WWOX: variants seen among roughly 807,000 people sequenced by gnomAD.
WWOX encodes WW domain containing oxidoreductase, also known as WW domain-containing oxidoreductase.
Under a neutral mutation model 46.2 loss-of-function variants are expected in WWOX, and 69 were observed. That is an observed-to-expected ratio of 1.49 (90% CI 1.23 to 1.82). The LOEUF is 1.82. Among genes scored for constraint, WWOX ranks in the 40% most tolerant of loss-of-function variants. WWOX has a pLI of 0.00. For synonymous variants in WWOX, 359 were observed against 202.6 expected (o/e 1.77, Z -6.56); for missense variants, 919 against 542.6 (o/e 1.69, Z -6.89).
chr16:78,648,391 T>C (rs1043678075), intron 8 of WWOX, among the ~76,000 whole-genome samples: 1 of 152,168 alleles, frequency 6.6e-6, no homozygotes, highest in East Asian at 1.9e-4. Flanking sequence ...GGAAGAGTTT[T>C]TGTCAAGATC....
intron 5 of WWOX, among the ~76,000 whole-genome samples, chr16:78,227,631 C>T (rs142109443): frequency 2.0e-5 from 3 of 152,124 alleles, no homozygotes; most frequent in Non-Finnish European, 4.4e-5. Context: ...AATCCCAGCA[C>T]TTTGGGAGGC....
chr16:78,979,294 C>T (rs1448235820), intron 8 of WWOX, among the ~76,000 whole-genome samples: 1 of 152,144 alleles, frequency 6.6e-6, no homozygotes, highest in African/African-American at 2.4e-5. Flanking sequence ...TGTTTTAGTT[C>T]ATCTCCTTCT....
intron 8 of WWOX, among the ~76,000 whole-genome samples, chr16:78,853,654 A>C (rs2052502353): frequency 6.6e-6 from 1 of 152,124 alleles, no homozygotes; most frequent in Non-Finnish European, 1.5e-5. Flanking sequence ...TGGGTGGAGA[A>C]GAGGGGCGGA....
chr16:79,048,939 G>C (rs541057777), intron 8 of WWOX, among the ~76,000 whole-genome samples: 40 of 152,070 alleles, frequency 2.6e-4, no homozygotes, highest in African/African-American at 8.9e-4. Flanking sequence ...AGAGATGGGA[G>C]TTAAACACAG....
intron 8 of WWOX, among the ~76,000 whole-genome samples, chr16:78,446,333 C>G (rs2083560364): frequency 6.6e-6 from 1 of 152,130 alleles, no homozygotes; most frequent in African/African-American, 2.4e-5. Flanking sequence ...TCGAATTTTG[C>G]CACTTACTTT....
chr16:78,665,184 C>G (rs772659974), intron 8 of WWOX, among the ~76,000 whole-genome samples: 13 of 152,082 alleles, frequency 8.5e-5, no homozygotes, highest in Admixed American at 3.9e-4. Context: ...GCTGTGATGA[C>G]GGGCAACAGA....
intron 4 of WWOX, among the ~76,000 whole-genome samples, chr16:78,145,405 C>G (rs1287444577): frequency 3.3e-5 from 5 of 152,072 alleles, no homozygotes; most frequent in Non-Finnish European, 7.4e-5. Context: ...TGGTGTAAGT[C>G]CAAGAGTCCA....
At chr16:78,904,655 C>T (rs1056608099) in intron 8 of WWOX, among the ~76,000 whole-genome samples, 1 of 152,130 alleles carries the variant, frequency 6.6e-6, no homozygotes, top group Non-Finnish European at 1.5e-5. Flanking sequence ...TTATCATCCA[C>T]ACTGGCACCT....
chr16:78,808,587 G>A (rs540706473), intron 8 of WWOX, among the ~76,000 whole-genome samples: 3 of 152,328 alleles, frequency 2.0e-5, no homozygotes, highest in African/African-American at 7.2e-5. Context: ...ATTCTGGGAA[G>A]TAGAGGCCTC....
chr16:78,974,746 C>G (rs1015111975), intron 8 of WWOX, among the ~76,000 whole-genome samples: 1 of 152,204 alleles, frequency 6.6e-6, no homozygotes, highest in African/African-American at 2.4e-5. Context: ...CACTTGGTCT[C>G]TGGTGTTGGG....
At chr16:78,965,504 C>T (rs781301444) in intron 8 of WWOX, among the ~76,000 whole-genome samples, 10 of 150,894 alleles carry the variant, frequency 6.6e-5, no homozygotes, top group Non-Finnish European at 1.2e-4. Context: ...CGGAAAGTAG[C>T]GGTTGCAGTG....
intron 3 of WWOX, among the ~76,000 whole-genome samples, chr16:78,110,224 C>T (rs2041072665): frequency 6.6e-6 from 1 of 151,450 alleles, no homozygotes. Context: ...CCTGTGGTCC[C>T]TGCTACTCGG....
At chr16:78,822,667 G>C (rs193026837) in intron 8 of WWOX, among the ~76,000 whole-genome samples, 1 of 152,280 alleles carries the variant, frequency 6.6e-6, no homozygotes, top group East Asian at 1.9e-4. Flanking sequence ...ATCTTTCCAT[G>C]ATGAGAGTTA....
At position 78,164,304 on chromosome 16, in the gene WWOX, G is replaced by C. The variant is rs190860484; in HGVS notation, c.516+15G>C. 6.2e-7 allele frequency: 1 copy of C among 1,610,626 alleles called. No individual in the cohort carries two copies. Among genetic ancestry groups the C allele is most frequent in the Non-Finnish European group, 8.5e-7 (1 of 1,177,680 alleles). On this transcript the variant is annotated intron_variant, in intron 5 of 8. Coordinates refer to ENST00000566780, the MANE Select transcript of WWOX (RefSeq NM_016373.4). ...TAGAAGAATGGGTAAGTGCTTGACTGTTGTTGTTTTTTTTAATTGTCAAAT... is the reference window on the plus strand; with the variant it reads ...TAGAAGAATGGGTAAGTGCTTGACTCTTGTTGTTTTTTTTAATTGTCAAAT...
intron 8 of WWOX, among the ~76,000 whole-genome samples, chr16:78,560,134 T>A (rs1287562888): frequency 2.6e-5 from 4 of 152,202 alleles, no homozygotes; most frequent in African/African-American, 9.7e-5. Context: ...AAATATTCTA[T>A]ACAAAAAATA....
At chr16:78,351,883 G>C (rs1485811192) in intron 5 of WWOX, among the ~76,000 whole-genome samples, 3 of 152,118 alleles carry the variant, frequency 2.0e-5, no homozygotes, top group Admixed American at 1.3e-4. Context: ...TCTCAAACTC[G>C]TGACCTTAGG....
intron 8 of WWOX, among the ~76,000 whole-genome samples, chr16:79,068,678 G>T (rs1033673007): frequency 1.3e-5 from 2 of 151,820 alleles, no homozygotes; most frequent in East Asian, 1.9e-4. Context: ...AGGCGTGGGG[G>T]TGCATGCCTG....
chr16:79,154,467 A>G (rs1200032997), intron 8 of WWOX, among the ~76,000 whole-genome samples: 1 of 151,454 alleles, frequency 6.6e-6, no homozygotes, highest in Non-Finnish European at 1.5e-5. Context: ...AAAGATAGAC[A>G]TGGACATATA....
intron 8 of WWOX, among the ~76,000 whole-genome samples, chr16:78,645,197 C>A (rs1240659403): frequency 6.6e-6 from 1 of 152,092 alleles, no homozygotes; most frequent in Non-Finnish European, 1.5e-5. Context: ...GGTTTCTCTC[C>A]TGCGTGGTCT....
Sources: allele counts gnomAD v4.1 joint callset (sites outside exome capture counted in the v4.1 genomes callset), GRCh38; gene constraint gnomAD v4.1.1; transcripts MANE v1.5; gene names NCBI Gene and HGNC (gene_info 2026-07-23, HGNC 2026-07-21).